Variants in CNTNAP2 observed in about 807,000 individuals in gnomAD.
CNTNAP2 encodes contactin-associated protein-like 2.
A neutral mutation model predicts 155.2 loss-of-function variants in CNTNAP2; 98 were observed. The ratio of observed to expected loss-of-function variants is 0.63; its 90% CI spans 0.54 to 0.75. The LOEUF (loss-of-function observed/expected upper bound fraction) is 0.75. Ranked by LOEUF, CNTNAP2 falls within the 30% of genes least tolerant of loss-of-function variation. The pLI is 0.00. For synonymous variants in CNTNAP2, 651 were observed against 631.2 expected, an observed-to-expected ratio of 1.03 and a Z score of -0.47; for missense variants, 1,727 against 1,688.1, an observed-to-expected ratio of 1.02 and a Z score of -0.40.
At chr7:147,234,236 A>G (rs1803748271) in intron 8 of CNTNAP2, among the ~76,000 whole-genome samples, 1 of 151,904 alleles carries the variant, frequency 6.6e-6, no homozygotes, top group Non-Finnish European at 1.5e-5. Context: ...CTACATATCC[A>G]GATTACATCC....
intron 12 of CNTNAP2, among the ~76,000 whole-genome samples, chr7:147,627,449 G>A (rs1795002706): frequency 6.6e-6 from 1 of 152,062 alleles, no homozygotes; most frequent in East Asian, 1.9e-4. Context: ...TGAAATCCCA[G>A]CACTTTGGGA....
intron 1 of CNTNAP2, among the ~76,000 whole-genome samples, chr7:146,151,508 T>C (rs2116776055): frequency 6.6e-6 from 1 of 150,486 alleles, no homozygotes; most frequent in East Asian, 2.0e-4. Context: ...TTCCTGTGCC[T>C]GGATTATTTC....
intron 2 of CNTNAP2, among the ~76,000 whole-genome samples, chr7:146,782,612 A>G (rs1802510607): frequency 1.3e-5 from 2 of 152,200 alleles, no homozygotes; most frequent in African/African-American, 2.4e-5. Flanking sequence ...ATATGGAATA[A>G]TTTGTCATCT....
At chr7:147,763,272 GAA>G (rs58090112) in intron 13 of CNTNAP2, among the ~76,000 whole-genome samples, 6 of 141,750 alleles carry the variant, frequency 4.2e-5, no homozygotes, top group African/African-American at 7.6e-5. Flanking sequence ...AAAAAAAAAA[GAA>G]AAAAAAAAAG....
At chr7:146,157,956 C>A (rs2116791427) in intron 1 of CNTNAP2, among the ~76,000 whole-genome samples, 1 of 152,316 alleles carries the variant, frequency 6.6e-6, no homozygotes, top group East Asian at 1.9e-4. Flanking sequence ...TCTCTGACCC[C>A]CGAGTAGCCT....
rs565008075 is a variant in CNTNAP2 at position 148,186,132 on chromosome 7, T to G, written c.3010+13654T>G. 2.6e-5 allele frequency among the ~76,000 whole-genome samples: 4 copies of G among 152,356 alleles called. No homozygotes were observed. The East Asian group carries it at 7.7e-4, about 29-fold the overall frequency. On this transcript the variant is annotated intron_variant, in intron 18 of 23. Coordinates refer to ENST00000361727, the MANE Select transcript of CNTNAP2 (RefSeq NM_014141.6). ...TCTATTACTATAGATGGTTAAAAGT[T>G]CAGGAGGCCCCTTTTGTCACAAAAT...
At chr7:146,550,294 C>T (rs920038241) in intron 1 of CNTNAP2, among the ~76,000 whole-genome samples, 14 of 150,612 alleles carry the variant, frequency 9.3e-5, no homozygotes, top group South Asian at 4.2e-4. Flanking sequence ...GGTGACCAAA[C>T]TCAACTCATC....
chr7:147,507,622 G>A (rs866373146), intron 11 of CNTNAP2, among the ~76,000 whole-genome samples: 5 of 131,908 alleles, frequency 3.8e-5, no homozygotes, highest in Admixed American at 9.1e-5. Context: ...GGGCAATCTC[G>A]GCTCACTGCA....
chr7:146,707,171 C>A (rs1424113947), intron 1 of CNTNAP2, among the ~76,000 whole-genome samples: 1 of 152,140 alleles, frequency 6.6e-6, no homozygotes, highest in Non-Finnish European at 1.5e-5. Context: ...TTTTCTATCA[C>A]AGCCATTTCA....
intron 14 of CNTNAP2, among the ~76,000 whole-genome samples, chr7:147,976,600 G>A (rs1332201793): frequency 1.3e-5 from 2 of 152,104 alleles, no homozygotes; most frequent in Non-Finnish European, 2.9e-5. Context: ...ATTTATTTGA[G>A]GCCAACTGGC....
chr7:147,691,228 T>C (rs544565195), intron 13 of CNTNAP2, among the ~76,000 whole-genome samples: 1 of 152,276 alleles, frequency 6.6e-6, no homozygotes, highest in African/African-American at 2.4e-5. Context: ...TTTTGTACTA[T>C]TCTATATGTA....
intron 10 of CNTNAP2, among the ~76,000 whole-genome samples, chr7:147,439,054 C>T (rs1018717344): frequency 3.3e-5 from 5 of 151,786 alleles, no homozygotes; most frequent in East Asian, 1.9e-4. Context: ...TTTCATTGGT[C>T]TTTTGTATTG....
intron 15 of CNTNAP2, among the ~76,000 whole-genome samples, chr7:148,035,032 G>A (rs888762236): frequency 1.7e-4 from 26 of 152,324 alleles, no homozygotes; most frequent in African/African-American, 5.8e-4. Flanking sequence ...CGGATATCTG[G>A]TGGAAGAAAT....
intron 16 of CNTNAP2, 125 bp from the exon 17 acceptor site, chr7:148,147,366 C>T (rs1805204566): frequency 1.1e-6 from 1 of 935,986 alleles, no homozygotes; most frequent in Non-Finnish European, 1.7e-6. Context: ...TGCCATCGAC[C>T]TTTGTAGGAC....
intron 9 of CNTNAP2, among the ~76,000 whole-genome samples, chr7:147,313,344 A>C (rs1018720112): frequency 6.6e-6 from 1 of 150,480 alleles, no homozygotes; most frequent in South Asian, 2.1e-4. Flanking sequence ...GCCCATGCCT[A>C]TGTCCTGAAT....
At chr7:147,646,984 CT>C (rs370340266) in intron 13 of CNTNAP2, among the ~76,000 whole-genome samples, 646 of 140,582 alleles carry the variant, frequency 4.6e-3, no homozygotes, top group African/African-American at 0.011. Context: ...ATTATGTTCA[CT>C]TTTTTTTTTT....
At chr7:147,478,997 G>T (rs1563220521) in intron 10 of CNTNAP2, among the ~76,000 whole-genome samples, 1 of 152,172 alleles carries the variant, frequency 6.6e-6, no homozygotes, top group Non-Finnish European at 1.5e-5. Flanking sequence ...GGTGACGACA[G>T]GAAGAAAGGG....
intron 1 of CNTNAP2, among the ~76,000 whole-genome samples, chr7:146,195,509 A>G: frequency 6.6e-6 from 1 of 152,198 alleles, no homozygotes; most frequent in East Asian, 1.9e-4. Context: ...CTCTGCTTCC[A>G]ATTGCTCTTT....
chr7:147,686,821 C>T lies in CNTNAP2; in HGVS notation c.2098+47515C>T, dbSNP rs145598809. ...AGTACATTTTTGCTTAACAAAAAAGCAAGGGAAAAGGACAGTAGATAGAGA... is the reference window on the plus strand; with the variant it reads ...AGTACATTTTTGCTTAACAAAAAAGTAAGGGAAAAGGACAGTAGATAGAGA... On this transcript the variant is annotated intron_variant, in intron 13 of 23. Coordinates refer to ENST00000361727, the MANE Select transcript of CNTNAP2 (RefSeq NM_014141.6). 8.7e-3 allele frequency among the ~76,000 whole-genome samples: 1,288 copies of T among 147,628 alleles called. 11 individuals are homozygous for T. Among genetic ancestry groups the T allele is most frequent in the Non-Finnish European group, 0.013 (869 of 66,680 alleles).
Sources: gnomAD v4.1 joint callset for allele counts (sites outside exome capture counted in the v4.1 genomes callset) on GRCh38, gnomAD v4.1.1 for gene constraint, MANE v1.5 for transcripts, NCBI Gene and HGNC (gene_info 2026-07-23, HGNC 2026-07-21) for gene names.